The following ABCC4 variants were observed in gnomAD, a reference collection of about 807,000 sequenced individuals.
ABCC4 encodes ATP binding cassette subfamily C member 4 (PEL blood group), also known as ATP-binding cassette sub-family C member 4.
Under a neutral mutation model 168.5 loss-of-function variants are expected in ABCC4, and 102 were observed. The observed-to-expected ratio is 0.61, with a 90% CI of 0.52 to 0.71. The LOEUF is 0.71. Ranked by LOEUF, ABCC4 falls within the 30% of genes least tolerant of loss-of-function variation. The probability of loss-of-function intolerance (pLI) is 0.00; values close to 1 mark genes in which losing one functional copy is unlikely to be tolerated. For synonymous variants in ABCC4, 617 were observed against 590.7 expected, an observed-to-expected ratio of 1.04 and a Z score of -0.65; for missense variants, 1,402 against 1,605.8, an observed-to-expected ratio of 0.87 and a Z score of 2.17.
intron 19 of ABCC4, among the ~76,000 whole-genome samples, chr13:95,131,314 A>G (rs2035953328): frequency 1.3e-5 from 2 of 152,214 alleles, no homozygotes; most frequent in Admixed American, 6.5e-5. Flanking sequence ...GCTCCATCAC[A>G]TGGGCGCCTT....
chr13:95,262,313 G>A (rs1364839730), intron 1 of ABCC4, among the ~76,000 whole-genome samples: 1 of 152,194 alleles, frequency 6.6e-6, no homozygotes, highest in Non-Finnish European at 1.5e-5. Context: ...ATACAAATAT[G>A]GAAAGAGGGA....
At position 95,161,300 on chromosome 13, in the gene ABCC4, T is replaced by G. The variant is rs771306076; in HGVS notation, c.2344A>C (p.Arg782=). Residue 782 remains arginine (R), a synonymous_variant, in exon 19 of 31, where the codon AGA becomes CGA. Coordinates refer to ENST00000645237, the MANE Select transcript of ABCC4 (RefSeq NM_005845.5). ...TVATVLFGIA[R]SLLVFYVLVN... is the part of the protein sequence containing the mutation. ...AGGACGTAGAATACCAATAGAGATCTTGCTATGCCAAAAAGAACGGTAGCT... is the reference window on the plus strand; with the variant it reads ...AGGACGTAGAATACCAATAGAGATCGTGCTATGCCAAAAAGAACGGTAGCT... The G allele has an allele frequency of 6.3e-7, 1 of 1,598,044 alleles. No individual in the cohort carries two copies. The highest frequency in any genetic ancestry group is 1.8e-5 in the Admixed American group (1 of 54,562).
At chr13:95,232,122 A>C (rs1006208998) in intron 4 of ABCC4, among the ~76,000 whole-genome samples, 5 of 72,936 alleles carry the variant, frequency 6.9e-5, no homozygotes, top group South Asian at 3.8e-4. Flanking sequence ...GCTGCTGCTG[A>C]TGATGATGGT....
chr13:95,138,643 G>C (rs551621052), intron 19 of ABCC4, among the ~76,000 whole-genome samples: 1 of 151,982 alleles, frequency 6.6e-6, no homozygotes, highest in Non-Finnish European at 1.5e-5. Flanking sequence ...GGGAAAAATC[G>C]TGAGATCCTG....
intron 20 of ABCC4, among the ~76,000 whole-genome samples, chr13:95,105,717 G>C (rs1318473121): frequency 1.3e-5 from 2 of 152,130 alleles, no homozygotes; most frequent in East Asian, 3.9e-4. Context: ...ATTGCAATGG[G>C]GTAAGTGAAG....
Position 95,207,943 on chromosome 13 carries a change from C to A in ABCC4, c.786-18G>T, listed in dbSNP as rs11568683. On this transcript the variant is annotated intron_variant, in intron 6 of 30. Transcript: ENST00000645237. ...TTTTACTCCTAAGGGGAACCAGACA[C>A]GGGAGATGAGCCTGAGCGATCACAG... 1.2e-6 allele frequency: 2 copies of A among 1,610,454 alleles called. No individual in the cohort carries two copies. Among genetic ancestry groups the A allele is most frequent in the African/African-American group, 1.3e-5 (1 of 74,580 alleles).
At chr13:95,078,847 CA>C (rs1309227055) in intron 21 of ABCC4, among the ~76,000 whole-genome samples, 1 of 152,100 alleles carries the variant, frequency 6.6e-6, no homozygotes, top group Non-Finnish European at 1.5e-5. Flanking sequence ...GTCATGGGGA[CA>C]GAGTCCTGGA....
chr13:95,024,264 G>A (rs2031268494), intron 30 of ABCC4, among the ~76,000 whole-genome samples: 1 of 151,038 alleles, frequency 6.6e-6, no homozygotes. Context: ...ATTTTCATGT[G>A]TCAAAAGGGG....
At position 95,068,518 on chromosome 13, in the gene ABCC4, G is replaced by A. The variant is rs1017319304; in HGVS notation, c.3210+3144C>T. Among the ~76,000 whole-genome samples, 29 of 128,324 alleles carry A rather than the reference G, an allele frequency of 2.3e-4. No homozygotes were observed. In the South Asian group the frequency reaches 4.9e-3, roughly 22 times the overall value. The allele number at this position is 128,324 out of a possible 152,430, so 84.2% of individuals were successfully genotyped here. ...CGGGTGCCTGTAATTGCAGCTACTC[G>A]GGAGGCTGAGGCAGGAGAATCGCTT... On this transcript the variant is annotated intron_variant, in intron 25 of 30. Coordinates refer to ENST00000645237, the MANE Select transcript of ABCC4 (RefSeq NM_005845.5).
intron 3 of ABCC4, among the ~76,000 whole-genome samples, chr13:95,241,736 C>T (rs1168535293): frequency 1.3e-5 from 2 of 151,330 alleles, no homozygotes; most frequent in African/African-American, 2.4e-5. Flanking sequence ...CTCTGACAAT[C>T]GTTCCTAATC....
chr13:95,062,881 AGG>A, intron 25 of ABCC4, 22 bp from the exon 26 acceptor site: 1 of 1,481,506 alleles, frequency 6.7e-7, no homozygotes. Flanking sequence ...TCCAGGCGGC[AGG>A]ATTAAAAAAA....
intron 4 of ABCC4, among the ~76,000 whole-genome samples, chr13:95,220,221 T>C (rs1161288468): frequency 6.6e-6 from 1 of 152,186 alleles, no homozygotes; most frequent in Non-Finnish European, 1.5e-5. Flanking sequence ...GTGTTTATAA[T>C]GTATCTTCTC....
At chr13:95,118,068 G>A (rs979673280) in intron 19 of ABCC4, among the ~76,000 whole-genome samples, 6 of 152,090 alleles carry the variant, frequency 3.9e-5, no homozygotes, top group Admixed American at 6.5e-5. Flanking sequence ...AAAAACAACT[G>A]AGAAAGCCCA....
At chr13:95,269,556 G>C (rs566506504) in intron 1 of ABCC4, 1 of 156,536 alleles carries the variant, frequency 6.4e-6, no homozygotes, top group South Asian at 1.9e-4. Flanking sequence ...GCCTGGAATT[G>C]AGACAGGACA....
intron 26 of ABCC4, among the ~76,000 whole-genome samples, chr13:95,057,022 T>C (rs1445071271): frequency 6.6e-6 from 1 of 152,192 alleles, no homozygotes; most frequent in Non-Finnish European, 1.5e-5. Flanking sequence ...TTGAAATCCA[T>C]TTTTCCAGAT....
At position 95,187,492 on chromosome 13, in the gene ABCC4, AC is replaced by A. The variant is rs573399938; in HGVS notation, c.1354-601del. 4.3e-3 allele frequency among the ~76,000 whole-genome samples: 650 copies of A among 152,170 alleles called. 1 individual carries two copies. Among genetic ancestry groups the A allele is most frequent in the Middle Eastern group, 0.014 (4 of 294 alleles). ...TGGTGGCACGCCTGTAATCCCAGCT[AC>A]TTGGGAGGCTGAGGCATGAGAATCA... On this transcript the variant is annotated intron_variant, in intron 10 of 30. Transcript: ENST00000645237.
At position 95,264,971 on chromosome 13, in the gene ABCC4, C is replaced by T. The variant is rs535384029; in HGVS notation, c.75-17218G>A. 1.8e-3 allele frequency among the ~76,000 whole-genome samples: 263 copies of T among 149,718 alleles called. 2 individuals are homozygous for T. The highest frequency in any genetic ancestry group is 6.8e-3 in the Middle Eastern group (2 of 294). On this transcript the variant is annotated intron_variant, in intron 1 of 30. Coordinates refer to ENST00000645237, the MANE Select transcript of ABCC4 (RefSeq NM_005845.5). ...GCAACTTCCGCTTCCTGGGTTCAAG[C>T]GATTCTCCTGCCTCAGCCTCCTGAG...
intron 1 of ABCC4, among the ~76,000 whole-genome samples, chr13:95,287,155 C>T (rs1283526419): frequency 6.6e-6 from 1 of 151,124 alleles, no homozygotes. Flanking sequence ...AAAATTAGCC[C>T]GGTATGGTAG....
intron 4 of ABCC4, 62 bp downstream of exon 4, chr13:95,234,548 C>A: frequency 2.1e-6 from 3 of 1,420,804 alleles, no homozygotes; most frequent in Non-Finnish European, 9.9e-7. Flanking sequence ...TTACATAAAA[C>A]TTCCTCAGAA....
Sources: gnomAD v4.1 joint callset for allele counts (sites outside exome capture counted in the v4.1 genomes callset) on GRCh38, gnomAD v4.1.1 for gene constraint, MANE v1.5 for transcripts, NCBI Gene and HGNC (gene_info 2026-07-23, HGNC 2026-07-21) for gene names.